AIG1: variants seen among roughly 807,000 people sequenced by gnomAD.
AIG1 encodes androgen-induced gene 1 protein.
Under a neutral mutation model 31.4 loss-of-function variants are expected in AIG1, and 23 were observed. That is an observed-to-expected ratio of 0.73 (90% confidence interval 0.53 to 1.04). AIG1 has a LOEUF of 1.04. Among genes scored for constraint, AIG1 ranks in the 50% least tolerant of loss-of-function variants. The probability of loss-of-function intolerance (pLI) is 0.00; values close to 1 mark genes in which losing one functional copy is unlikely to be tolerated. For missense variants in AIG1, 274 were observed against 295.0 expected (o/e 0.93, Z 0.52); for synonymous variants, 100 against 110.5 (o/e 0.90, Z 0.60).
intron 3 of AIG1, among the ~76,000 whole-genome samples, chr6:143,229,150 C>G (rs966428817): frequency 3.3e-5 from 5 of 152,208 alleles, no homozygotes; most frequent in Admixed American, 6.5e-5. Context: ...GTGAAGACAG[C>G]AGCTCTGTTT....
chr6:143,194,304 G>A (rs1790042688), intron 3 of AIG1, among the ~76,000 whole-genome samples: 1 of 152,184 alleles, frequency 6.6e-6, no homozygotes, highest in Non-Finnish European at 1.5e-5. Flanking sequence ...AAAACCATTA[G>A]ATCTCATGAG....
chr6:143,091,942 T>C (rs1779341641), intron 1 of AIG1, among the ~76,000 whole-genome samples: 1 of 152,150 alleles, frequency 6.6e-6, no homozygotes, highest in African/African-American at 2.4e-5. Flanking sequence ...AAACACCATC[T>C]GTAAGCAACG....
chr6:143,217,341 G>A (rs1319014053), intron 3 of AIG1, among the ~76,000 whole-genome samples: 8 of 152,150 alleles, frequency 5.3e-5, no homozygotes, highest in Admixed American at 5.2e-4. Context: ...AAAGAGTACA[G>A]TCATTAAATT....
At chr6:143,300,208 T>C (rs1798730816) in intron 4 of AIG1, among the ~76,000 whole-genome samples, 1 of 152,186 alleles carries the variant, frequency 6.6e-6, no homozygotes, top group African/African-American at 2.4e-5. Context: ...CTCCAACACA[T>C]TGGCAGTGGA....
chr6:143,223,606 T>C (rs1792701743), intron 3 of AIG1, among the ~76,000 whole-genome samples: 1 of 152,196 alleles, frequency 6.6e-6, no homozygotes, highest in Admixed American at 6.5e-5. Flanking sequence ...CAACAGGGTC[T>C]GAATTATATT....
chr6:143,113,356 G>A (rs75970889), intron 1 of AIG1, among the ~76,000 whole-genome samples: 18,220 of 151,994 alleles, frequency 0.12, 3,351 homozygotes, highest in African/African-American at 0.4. Context: ...TGAAATCCTG[G>A]CACTTTGGGA....
Position 143,165,137 on chromosome 6 carries a change from C to A in AIG1, c.353C>A (p.Pro118Gln). 6.2e-7 allele frequency: 1 copy of A among 1,613,520 alleles called. No homozygotes were observed. The highest frequency in any genetic ancestry group is 8.5e-7 in the Non-Finnish European group (1 of 1,179,622). ...IYAYDREMIY[P>Q]KLLDNFIPGW... ...GCCTATGACAGAGAGATGATATACC[C>A]GAAGCTGCTGGATAATTTTATCCCA... Residue 118 changes from proline (P) to glutamine (Q), a missense_variant, in exon 3 of 6, where the codon CCG becomes CAG. This residue lies in a region of AIG1 where 243 missense variants were observed against 238.5 expected (regional missense o/e 1.02). Coordinates refer to ENST00000357847, the MANE Select transcript of AIG1 (RefSeq NM_016108.4).
intron 3 of AIG1, among the ~76,000 whole-genome samples, chr6:143,244,064 T>G (rs1194453494): frequency 6.6e-6 from 1 of 152,198 alleles, no homozygotes; most frequent in African/African-American, 2.4e-5. Flanking sequence ...ACATGACACC[T>G]GCCCTCAAAT....
At position 143,326,744 on chromosome 6, in the gene AIG1, C is replaced by T. The variant is rs1776644554; in HGVS notation, c.516-6538C>T. Among the ~76,000 whole-genome samples, 1 of 152,022 alleles carries T rather than the reference C, an allele frequency of 6.6e-6. No individual in the cohort carries two copies. The highest frequency in any genetic ancestry group is 2.1e-4 in the South Asian group (1 of 4,818). ...GCTAATATAGAAAAGATACATATAA[C>T]CTAATTATTCTAAGTGGTGGCTAAC... On this transcript the variant is annotated intron_variant, in intron 4 of 5. Coordinates refer to ENST00000357847, the MANE Select transcript of AIG1 (RefSeq NM_016108.4). The surrounding 1 kb of genome is among the most constrained non-coding windows in gnomAD (Gnocchi z 4.5).
chr6:143,104,224 A>T (rs1343456172), intron 1 of AIG1, among the ~76,000 whole-genome samples: 1 of 152,198 alleles, frequency 6.6e-6, no homozygotes, highest in Admixed American at 6.5e-5. Context: ...GGAAATAGAA[A>T]TGATGCTACA....
chr6:143,156,495 T>C lies in AIG1; in HGVS notation c.298-8587T>C, dbSNP rs543065769. ...CAATAAAGATCTTTGCAGGTGGAGA[T>C]TGTAAAGAATGTTTACTTTTTATAC... On this transcript the variant is annotated intron_variant, in intron 2 of 5. Coordinates refer to ENST00000357847, the MANE Select transcript of AIG1 (RefSeq NM_016108.4). 2.4e-4 allele frequency among the ~76,000 whole-genome samples: 36 copies of C among 152,364 alleles called. 1 individual carries two copies. Among genetic ancestry groups the C allele is most frequent in the African/African-American group, 8.7e-4 (36 of 41,582 alleles).
intron 2 of AIG1, among the ~76,000 whole-genome samples, chr6:143,154,075 C>T (rs1025613410): frequency 1.3e-5 from 2 of 151,844 alleles, no homozygotes; most frequent in African/African-American, 4.8e-5. Flanking sequence ...CAAAGTGAAA[C>T]TCTGTCTCTA....
At chr6:143,161,356 G>A (rs937282892) in intron 2 of AIG1, among the ~76,000 whole-genome samples, 1 of 151,806 alleles carries the variant, frequency 6.6e-6, no homozygotes, top group African/African-American at 2.4e-5. Flanking sequence ...AAATAGAGAG[G>A]AAACACTTCC....
chr6:143,122,666 T>A (rs1427385815), intron 1 of AIG1, among the ~76,000 whole-genome samples: 3 of 152,210 alleles, frequency 2.0e-5, no homozygotes, highest in Non-Finnish European at 4.4e-5. Context: ...AATGGGTACA[T>A]GAGATTAGTT....
At chr6:143,175,522 C>G (rs1489366638) in intron 3 of AIG1, among the ~76,000 whole-genome samples, 2 of 151,950 alleles carry the variant, frequency 1.3e-5, no homozygotes, top group Admixed American at 6.6e-5. Flanking sequence ...TTTTATTTGT[C>G]TTTGTTGAGT....
intron 3 of AIG1, among the ~76,000 whole-genome samples, chr6:143,176,350 A>C (rs1398054659): frequency 6.6e-6 from 1 of 151,912 alleles, no homozygotes; most frequent in Non-Finnish European, 1.5e-5. Context: ...AACTTACCCT[A>C]GGGTCGCCTT....
chr6:143,273,463 C>G (rs986328638), intron 3 of AIG1, among the ~76,000 whole-genome samples: 2 of 152,164 alleles, frequency 1.3e-5, no homozygotes, highest in Non-Finnish European at 2.9e-5. Context: ...TTTTCCCTTG[C>G]CATTCACCTC....
chr6:143,342,957 C>T (rs896034478), downstream of AIG1: 2 of 984,472 alleles, frequency 2.0e-6, no homozygotes, highest in Non-Finnish European at 3.3e-6. Context: ...GTATAGTGAA[C>T]ATTCTGGGTC....
Position 143,256,648 on chromosome 6 carries a change from A to G in AIG1, c.400-27462A>G, listed in dbSNP as rs905104729. Among the ~76,000 whole-genome samples, 2 of 152,252 alleles carry G rather than the reference A, an allele frequency of 1.3e-5. No homozygotes were observed. Among genetic ancestry groups the G allele is most frequent in the African/African-American group, 4.8e-5 (2 of 41,466 alleles). On this transcript the variant is annotated intron_variant, in intron 3 of 5. Transcript: ENST00000357847. The surrounding 1 kb of genome is among the most constrained non-coding windows in gnomAD (Gnocchi z 4.6). ...GTGGGAAAGGATCTTACTGAAATAA[A>G]CATATACTATCAATATGGCATTTGC...
Sources: allele counts gnomAD v4.1 joint callset (sites outside exome capture counted in the v4.1 genomes callset), GRCh38; gene constraint gnomAD v4.1.1; regional missense constraint gnomAD v4.1.1; non-coding constraint Gnocchi (gnomAD v3.1); transcripts MANE v1.5; gene names NCBI Gene and HGNC (gene_info 2026-07-23, HGNC 2026-07-21).